The following ELN variants were observed in gnomAD, a reference collection of about 807,000 sequenced individuals.
ELN encodes the protein elastin.
A neutral mutation model predicts 105.8 loss-of-function variants in ELN; 65 were observed. The observed-to-expected ratio is 0.61, with a 90% CI of 0.50 to 0.75. The LOEUF (loss-of-function observed/expected upper bound fraction) is 0.75. Among genes scored for constraint, ELN ranks in the 30% least tolerant of loss-of-function variants. ELN has a pLI of 0.00. For missense variants in ELN, 882 were observed against 969.4 expected (o/e 0.91, Z 1.20); for synonymous variants, 368 against 389.2 (o/e 0.95, Z 0.64).
At chr7:74,040,307 G>C (rs912263873) in intron 4 of ELN, among the ~76,000 whole-genome samples, 1 of 152,216 alleles carries the variant, frequency 6.6e-6, no homozygotes, top group Non-Finnish European at 1.5e-5. Context: ...GGTCTGGCCC[G>C]GGTGCTGGGA....
In ELN at chr7:74,028,834, G is replaced by A. The variant is rs1028246177; in HGVS notation, c.82+565G>A. 2.0e-5 allele frequency among the ~76,000 whole-genome samples: 3 copies of A among 152,190 alleles called. No homozygotes were observed. The East Asian group carries it at 5.8e-4, about 29-fold the overall frequency. On this transcript the variant is annotated intron_variant, in intron 1 of 32. Coordinates refer to ENST00000252034, the MANE Select transcript of ELN (RefSeq NM_000501.4). ...AAGCTGCTGCTGTGTTCTCCCTGCT[G>A]AGGCAGGCAGGGACTCCTGGTATGC...
chr7:74,065,640 G>A, intron 29 of ELN, 54 bp from the exon 30 acceptor site: 1 of 1,596,882 alleles, frequency 6.3e-7, no homozygotes, highest in Non-Finnish European at 8.6e-7. Context: ...AAAAAGACAG[G>A]GCCTGACAGG....
At chr7:74,066,230 C>T (rs1797923271) in intron 31 of ELN, among the ~76,000 whole-genome samples, 1 of 152,182 alleles carries the variant, frequency 6.6e-6, no homozygotes, top group Non-Finnish European at 1.5e-5. Context: ...CACCTGGTTG[C>T]TAGGTGGCGG....
In ELN at chr7:74,063,466, G is replaced by T; in HGVS notation, c.1918+97G>T. ...CAGGCACTGTAGACTCAGAGTCCCT[G>T]CCCCAGACACCTCCTGGCTCCACTG... On this transcript the variant is annotated intron_variant, in intron 28 of 32. Transcript: ENST00000252034. The surrounding 1 kb of genome is among the most constrained non-coding windows in gnomAD (Gnocchi z 4.1). 6.3e-7 allele frequency: 1 copy of T among 1,587,954 alleles called. No homozygotes were observed. Among genetic ancestry groups the T allele is most frequent in the Non-Finnish European group, 8.5e-7 (1 of 1,169,750 alleles).
rs1554683643 is a variant in ELN at position 74,060,470 on chromosome 7, A to T, written c.1716A>T (p.Gly572=). The change falls in exon 25 of 33, where the codon GGA becomes GGT. Residue 572 remains glycine, a synonymous_variant. Coordinates refer to ENST00000252034, the MANE Select transcript of ELN (RefSeq NM_000501.4). ...TTGGTGCTGGTGTTCCTGGACTTGG[A>T]GTTGGTGCTGGTGTTCCTGGCTTCG... ...LGVGAGVPGL[G]VGAGVPGFGA... The T allele has an allele frequency of 1.2e-6, 2 of 1,613,922 alleles. No individual in the cohort carries two copies. Among genetic ancestry groups the T allele is most frequent in the South Asian group, 1.1e-5 (1 of 91,068 alleles).
intron 1 of ELN, among the ~76,000 whole-genome samples, chr7:74,034,671 C>T (rs1789507786): frequency 6.6e-6 from 1 of 152,156 alleles, no homozygotes; most frequent in African/African-American, 2.4e-5. Context: ...TGCTACTGCA[C>T]TCCAGCCTGG....
At chr7:74,058,244 CCTT>C (rs1199008445) in intron 22 of ELN, among the ~76,000 whole-genome samples, 2 of 107,120 alleles carry the variant, frequency 1.9e-5, no homozygotes, top group Non-Finnish European at 3.7e-5. Flanking sequence ...CTCTTTTTCT[CCTT>C]CTTTCTTCTT....
intron 4 of ELN, among the ~76,000 whole-genome samples, chr7:74,040,566 G>C (rs1218548410): frequency 1.3e-5 from 2 of 152,242 alleles, no homozygotes; most frequent in African/African-American, 4.8e-5. Flanking sequence ...TTGTAGGAGA[G>C]ATCGTCACAT....
Position 74,051,926 on chromosome 7 carries a change from G to T in ELN, c.892G>T (p.Val298Phe), listed in dbSNP as rs41526244. The T allele has an allele frequency of 5.6e-6, 9 of 1,613,972 alleles. No homozygotes were observed. Among genetic ancestry groups the T allele is most frequent in the Non-Finnish European group, 7.6e-6 (9 of 1,180,030 alleles). The stretch of plus-strand genomic sequence containing the variant: ...ACCCTCTGTGGCTGTGTTTTCAGGC[G>T]TTGGGACTCCAGCTGCAGCTGCAGC... ...AIPGIGGIAGVGTPAAAAAAA... is the reference protein window; with the variant it reads ...AIPGIGGIAGFGTPAAAAAAA... The change falls in exon 17 of 33, where the codon GTT (valine) becomes TTT (phenylalanine). Residue 298 changes from valine (V) to phenylalanine (F), a missense_variant and splice_region_variant. Coordinates refer to ENST00000252034, the MANE Select transcript of ELN (RefSeq NM_000501.4).
At chr7:74,041,735 G>C (rs1334992194) in intron 5 of ELN, among the ~76,000 whole-genome samples, 20 of 151,982 alleles carry the variant, frequency 1.3e-4, no homozygotes, top group Admixed American at 1.3e-3. Context: ...TGTTGAGACA[G>C]AGTCCCACTC....
chr7:74,065,637 C>T, intron 29 of ELN, 57 bp from the exon 30 acceptor site: 1 of 1,419,930 alleles, frequency 7.0e-7, no homozygotes, highest in Non-Finnish European at 9.7e-7. Context: ...AAAAAAAAGA[C>T]AGGGCCTGAC....
chr7:74,031,719 C>A (rs533599387), intron 1 of ELN, among the ~76,000 whole-genome samples: 1 of 151,366 alleles, frequency 6.6e-6, no homozygotes, highest in Admixed American at 6.6e-5. Context: ...GAGTTTGAGA[C>A]CAGCCTGGGC....
rs1440019398 is a variant in ELN, at chr7:74,069,406, G to C, written c.*706G>C. The C allele has an allele frequency of 4.3e-6, 1 of 234,988 alleles. No individual in the cohort carries two copies. The highest frequency in any genetic ancestry group is 5.6e-5 in the Admixed American group (1 of 17,978). The allele number at this position is 234,988 out of a possible 1,614,324, so 14.6% of individuals were successfully genotyped here. On this transcript the variant is annotated 3_prime_UTR_variant, in exon 33 of 33. Transcript: ENST00000252034. ...GTTGACCGCCCGGCACCACTAGCTGGCTGGGTGCACCCACCATCAACCTGG... is the reference window on the plus strand; with the variant it reads ...GTTGACCGCCCGGCACCACTAGCTGCCTGGGTGCACCCACCATCAACCTGG...
At chr7:74,042,805 G>T in intron 6 of ELN, 99 bp downstream of exon 6, 2 of 1,543,664 alleles carry the variant, frequency 1.3e-6, no homozygotes. Context: ...TGGGAGCCGG[G>T]TGGGTGGGAT....
rs540914392 is a variant in ELN at position 74,038,478 on chromosome 7, G to A, written c.196+739G>A. Among the ~76,000 whole-genome samples the A allele has an allele frequency of 1.4e-4, 22 of 152,342 alleles. 1 individual carries two copies. The South Asian group carries it at 4.6e-3, about 32-fold the overall frequency. On this transcript the variant is annotated intron_variant, in intron 4 of 32. Coordinates refer to ENST00000252034, the MANE Select transcript of ELN (RefSeq NM_000501.4). ...AGTTTTCCAGTAAGAAGGTGTGGCC[G>A]GATCTATCCTGGCCTCGCCCAAGGG...
chr7:74,055,331 C>T (rs1795005471), intron 19 of ELN, among the ~76,000 whole-genome samples: 1 of 151,508 alleles, frequency 6.6e-6, no homozygotes, highest in Admixed American at 6.6e-5. Flanking sequence ...GTTCCAGCTA[C>T]TTGGGAGGTC....
chr7:74,064,427 T>TAA (rs1563875990), intron 29 of ELN, among the ~76,000 whole-genome samples: 2 of 133,586 alleles, frequency 1.5e-5, no homozygotes, highest in Admixed American at 7.4e-5. Flanking sequence ...AAAAAAAATA[T>TAA]ATATATATAT....
In ELN at chr7:74,050,042, C is replaced by T. The variant is rs374170412; in HGVS notation, c.799+1486C>T. On this transcript the variant is annotated intron_variant, in intron 15 of 32. Coordinates refer to ENST00000252034, the MANE Select transcript of ELN (RefSeq NM_000501.4). ...GCACCCACCCATCCATTTCTCCATG[C>T]ATGCATCCATCCTTCCATCCATTCA... 2.0e-5 allele frequency among the ~76,000 whole-genome samples: 3 copies of T among 151,540 alleles called. No homozygotes were observed. In the East Asian group the frequency reaches 5.9e-4, roughly 30 times the overall value.
intron 26 of ELN, among the ~76,000 whole-genome samples, chr7:74,062,945 G>A (rs868951195): frequency 6.6e-6 from 1 of 152,112 alleles, no homozygotes; most frequent in Non-Finnish European, 1.5e-5. Context: ...AGGCTGCAGT[G>A]AACTATGATT....
Sources: gnomAD v4.1 joint callset for allele counts (sites outside exome capture counted in the v4.1 genomes callset) on GRCh38, gnomAD v4.1.1 for gene constraint, Gnocchi (gnomAD v3.1) non-coding constraint, MANE v1.5 for transcripts, NCBI Gene and HGNC (gene_info 2026-07-23, HGNC 2026-07-21) for gene names.